The following RHOT1 variants were observed in gnomAD, a reference collection of about 807,000 sequenced individuals.
RHOT1 encodes the protein mitochondrial Rho GTPase 1.
Under a neutral mutation model 95.3 loss-of-function variants are expected in RHOT1, and 27 were observed. The ratio of observed to expected loss-of-function variants is 0.28; its 90% CI spans 0.21 to 0.39. The LOEUF (loss-of-function observed/expected upper bound fraction) is 0.39. Ranked by LOEUF, RHOT1 falls within the 10% of genes least tolerant of loss-of-function variation. The pLI, the probability that RHOT1 is intolerant of heterozygous loss-of-function variation, is 1.00. For synonymous variants in RHOT1, 227 were observed against 263.5 expected, an observed-to-expected ratio of 0.86 and a Z score of 1.34; for missense variants, 578 against 786.7, an observed-to-expected ratio of 0.73 and a Z score of 3.17.
chr17:32,202,860 A>T lies in RHOT1; in HGVS notation c.1292A>T (p.Lys431Ile). 4 of 1,613,530 alleles carry T rather than the reference A, an allele frequency of 2.5e-6. No individual in the cohort carries two copies. Among genetic ancestry groups the T allele is most frequent in the Non-Finnish European group, 2.5e-6 (3 of 1,179,788 alleles). ...GTAATTGGAGTGAAAAACTGTGGGA[A>T]AAGTGGAGTTCTTCAGGCTCTTCTT... ...CNVIGVKNCG[K>I]SGVLQALLGR... The change falls in exon 15 of 20, where the codon AAA becomes ATA. Residue 431 changes from lysine to isoleucine, a missense_variant. Physicochemically the swap from Lys to Ile is moderately radical, Grantham distance 102. Coordinates refer to ENST00000545287, the MANE Select transcript of RHOT1 (RefSeq NM_001033566.3).
At chr17:32,169,779 G>A (rs537330312) in intron 1 of RHOT1, among the ~76,000 whole-genome samples, 116 of 152,252 alleles carry the variant, frequency 7.6e-4, no homozygotes, top group African/African-American at 2.7e-3. Context: ...GCTGAGGCAG[G>A]TGGATTGCTT....
chr17:32,199,264 G>T, intron 12 of RHOT1, 141 bp from the exon 13 acceptor site: 1 of 806,418 alleles, frequency 1.2e-6, no homozygotes, highest in Non-Finnish European at 1.9e-6. Context: ...TACATTTGAG[G>T]AATTTTCTTG....
At chr17:32,145,872 T>C (rs2031245201) in intron 1 of RHOT1, among the ~76,000 whole-genome samples, 1 of 152,024 alleles carries the variant, frequency 6.6e-6, no homozygotes, top group Admixed American at 6.6e-5. Flanking sequence ...AAAAATTAGC[T>C]GGGTGAAGTG....
chr17:32,165,522 CAA>C (rs113306708), intron 1 of RHOT1, among the ~76,000 whole-genome samples: 5 of 134,934 alleles, frequency 3.7e-5, no homozygotes, highest in Admixed American at 7.5e-5. Flanking sequence ...GACCCTGTCT[CAA>C]AAAAAAAAAA....
intron 1 of RHOT1, chr17:32,151,184 T>C: frequency 1.3e-6 from 1 of 770,004 alleles, no homozygotes. Context: ...TAGTTTCTCC[T>C]GAAGATTTCT....
At chr17:32,145,614 AT>A (rs1045671974) in intron 1 of RHOT1, among the ~76,000 whole-genome samples, 1 of 151,964 alleles carries the variant, frequency 6.6e-6, no homozygotes, top group African/African-American at 2.4e-5. Context: ...ATTCATTTTT[AT>A]TTTTTTATTT....
At chr17:32,186,222 T>C (rs1291170708) in intron 8 of RHOT1, among the ~76,000 whole-genome samples, 1 of 152,172 alleles carries the variant, frequency 6.6e-6, no homozygotes, top group Admixed American at 6.6e-5. Context: ...TGGTTTATTA[T>C]AGCCATCCTA....
chr17:32,161,284 G>A (rs570462686), intron 1 of RHOT1, among the ~76,000 whole-genome samples: 1 of 152,300 alleles, frequency 6.6e-6, no homozygotes, highest in African/African-American at 2.4e-5. Context: ...TCAGTCAGCC[G>A]CTGATTGGGG....
intron 19 of RHOT1, among the ~76,000 whole-genome samples, chr17:32,214,733 G>C (rs190908370): frequency 6.6e-6 from 1 of 150,482 alleles, no homozygotes; most frequent in Non-Finnish European, 1.5e-5. Context: ...AAAAAAGATT[G>C]ATTGACTAAG....
intron 1 of RHOT1, among the ~76,000 whole-genome samples, chr17:32,160,665 A>G (rs2033451031): frequency 6.6e-6 from 1 of 152,156 alleles, no homozygotes; most frequent in Non-Finnish European, 1.5e-5. Context: ...GCTGCTTGTG[A>G]TGCGCCTGGT....
intron 9 of RHOT1, 95 bp downstream of exon 9, chr17:32,192,394 A>T: frequency 1.4e-6 from 1 of 723,982 alleles, no homozygotes. Context: ...CAACAAGAAC[A>T]GTATGTTATA....
chr17:32,149,611 A>ATGTGTGTG (rs1459915998), intron 1 of RHOT1, among the ~76,000 whole-genome samples: 6 of 85,890 alleles, frequency 7.0e-5, no homozygotes, highest in African/African-American at 4.5e-4. Flanking sequence ...ATATATATAT[A>ATGTGTGTG]TATATATATA....
At chr17:32,177,282 A>G (rs1178636324) in intron 6 of RHOT1, among the ~76,000 whole-genome samples, 6 of 152,236 alleles carry the variant, frequency 3.9e-5, no homozygotes, top group Non-Finnish European at 7.3e-5. Flanking sequence ...CCACGTTTCA[A>G]GTGCTCATAG....
intron 12 of RHOT1, 97 bp from the exon 13 acceptor site, chr17:32,199,308 A>G: frequency 8.9e-7 from 1 of 1,120,508 alleles, no homozygotes; most frequent in Non-Finnish European, 1.3e-6. Flanking sequence ...TTTATTAAGT[A>G]GTTTTAAAAA....
chr17:32,197,708 G>A (rs1367987577), intron 11 of RHOT1, among the ~76,000 whole-genome samples: 1 of 152,068 alleles, frequency 6.6e-6, no homozygotes, highest in African/African-American at 2.4e-5. Context: ...GATTACAGGC[G>A]TGAGCCACCG....
At chr17:32,186,002 A>G (rs1303754302) in intron 8 of RHOT1, among the ~76,000 whole-genome samples, 1 of 152,240 alleles carries the variant, frequency 6.6e-6, no homozygotes, top group East Asian at 1.9e-4. Context: ...CATTACAGGC[A>G]TGACCCAACA....
chr17:32,163,742 A>AG (rs2033782811), intron 1 of RHOT1, among the ~76,000 whole-genome samples: 1 of 151,830 alleles, frequency 6.6e-6, no homozygotes, highest in Admixed American at 6.6e-5. Context: ...AAAAAAAGAA[A>AG]GGGAAAAAAA....
chr17:32,160,502 G>A (rs184159901), intron 1 of RHOT1: 10 of 152,512 alleles, frequency 6.6e-5, no homozygotes, highest in Admixed American at 5.9e-4. Flanking sequence ...TACCTTGAGA[G>A]TGTAGAGAAG....
intron 6 of RHOT1, among the ~76,000 whole-genome samples, chr17:32,181,769 C>T (rs1042238521): frequency 2.6e-5 from 4 of 152,320 alleles, no homozygotes; most frequent in East Asian, 1.9e-4. Context: ...TAGAATCATT[C>T]AATGACTTCC....
Sources: gnomAD v4.1 joint callset for allele counts (sites outside exome capture counted in the v4.1 genomes callset) on GRCh38, gnomAD v4.1.1 for gene constraint, MANE v1.5 for transcripts, NCBI Gene and HGNC (gene_info 2026-07-23, HGNC 2026-07-21) for gene names.